SGCZ: variants seen among roughly 807,000 people sequenced by gnomAD.
SGCZ encodes the protein zeta-sarcoglycan.
In SGCZ, 40 loss-of-function variants were observed where a neutral mutation model predicts 41.3. The ratio of observed to expected loss-of-function variants is 0.97; its 90% CI spans 0.75 to 1.26. The LOEUF (loss-of-function observed/expected upper bound fraction) is 1.26. Ranked by LOEUF, SGCZ falls within the 50% of genes most tolerant of loss-of-function variation. The pLI, the probability that SGCZ is intolerant of heterozygous loss-of-function variation, is 0.00. For missense variants in SGCZ, 552 were observed against 369.8 expected (o/e 1.49, Z -4.04); for synonymous variants, 206 against 137.5 (o/e 1.50, Z -3.49).
chr8:14,543,565 T>C (rs1803533282), intron 2 of SGCZ, among the ~76,000 whole-genome samples: 1 of 152,100 alleles, frequency 6.6e-6, no homozygotes, highest in South Asian at 2.1e-4. Context: ...TCCTTGTCCA[T>C]GGTGCTGTAA....
chr8:14,161,781 T>G (rs554979802), intron 5 of SGCZ, among the ~76,000 whole-genome samples: 2 of 152,280 alleles, frequency 1.3e-5, no homozygotes, highest in African/African-American at 4.8e-5. Flanking sequence ...AATGCAATAC[T>G]ATGTGCATAT....
chr8:14,446,405 T>C (rs1050776639), intron 2 of SGCZ, among the ~76,000 whole-genome samples: 22 of 152,176 alleles, frequency 1.4e-4, no homozygotes, highest in African/African-American at 5.1e-4. Context: ...GTGGGTCTGA[T>C]ATATCAAAGA....
At chr8:15,017,324 C>G (rs1254970807) in intron 1 of SGCZ, among the ~76,000 whole-genome samples, 3 of 152,112 alleles carry the variant, frequency 2.0e-5, no homozygotes, top group Non-Finnish European at 4.4e-5. Flanking sequence ...GGGCAGACAC[C>G]TGTATTGCAA....
At chr8:14,260,126 G>A (rs1363371497) in intron 3 of SGCZ, among the ~76,000 whole-genome samples, 3 of 152,000 alleles carry the variant, frequency 2.0e-5, no homozygotes, top group Admixed American at 2.0e-4. Context: ...TCTGTTGTTG[G>A]TGTATAAGAA....
At chr8:15,023,227 C>T (rs1036567192) in intron 1 of SGCZ, among the ~76,000 whole-genome samples, 26 of 152,186 alleles carry the variant, frequency 1.7e-4, no homozygotes, top group African/African-American at 6.3e-4. Flanking sequence ...CAATCAAGTT[C>T]ATGACTTTGG....
intron 5 of SGCZ, among the ~76,000 whole-genome samples, chr8:14,125,805 C>G (rs6980963): frequency 6.6e-6 from 1 of 152,046 alleles, no homozygotes. Flanking sequence ...AATGGAGATA[C>G]CAGAAGTAAG....
chr8:15,094,519 T>C (rs545949712), intron 1 of SGCZ, among the ~76,000 whole-genome samples: 15 of 152,256 alleles, frequency 9.9e-5, no homozygotes, highest in African/African-American at 3.6e-4. Context: ...ATTCATGTGA[T>C]GAGAGCAGAA....
chr8:14,655,605 A>G (rs981077446), intron 1 of SGCZ, among the ~76,000 whole-genome samples: 7 of 152,132 alleles, frequency 4.6e-5, no homozygotes, highest in East Asian at 3.9e-4. Context: ...AAGAAATAAT[A>G]TAGAGACACC....
intron 3 of SGCZ, among the ~76,000 whole-genome samples, chr8:14,244,785 G>C (rs963197782): frequency 6.6e-6 from 1 of 152,028 alleles, no homozygotes; most frequent in African/African-American, 2.4e-5. Flanking sequence ...GTGGTTTGTA[G>C]TTCTCCTTGA....
intron 1 of SGCZ, among the ~76,000 whole-genome samples, chr8:14,746,089 C>A (rs1443680680): frequency 6.6e-6 from 1 of 151,588 alleles, no homozygotes; most frequent in African/African-American, 2.4e-5. Context: ...TGTTTGTTAC[C>A]ATTTTCCATA....
intron 1 of SGCZ, among the ~76,000 whole-genome samples, chr8:15,107,841 C>T (rs1046645193): frequency 2.0e-5 from 3 of 152,142 alleles, no homozygotes; most frequent in African/African-American, 7.2e-5. Context: ...TGCCATAGAT[C>T]TCTTCTGAGA....
intron 1 of SGCZ, among the ~76,000 whole-genome samples, chr8:14,848,866 T>C (rs1252875905): frequency 6.6e-6 from 1 of 152,172 alleles, no homozygotes; most frequent in Non-Finnish European, 1.5e-5. Context: ...CTGAAAACTT[T>C]TGCTCTTTAA....
At chr8:15,192,108 C>T (rs1800562124) in intron 1 of SGCZ, among the ~76,000 whole-genome samples, 1 of 152,064 alleles carries the variant, frequency 6.6e-6, no homozygotes, top group African/African-American at 2.4e-5. Context: ...GGTAACCCCT[C>T]CCCCAGTAAT....
intron 3 of SGCZ, among the ~76,000 whole-genome samples, chr8:14,290,975 A>G (rs7829315): frequency 0.16 from 24,931 of 152,072 alleles, 2,256 homozygotes; most frequent in East Asian, 0.28. Context: ...TAAAGAAAGT[A>G]TTGTAAATAT....
At position 14,643,206 on chromosome 8, in the gene SGCZ, C is replaced by G. The variant is rs1039669476; in HGVS notation, c.40-88280G>C. The stretch of plus-strand genomic sequence containing the variant: ...GTATTTCCTGATTGGCATCACTGAA[C>G]ATAGGAAGTCAACTCCACCTTTGAA... On this transcript the variant is annotated intron_variant, in intron 1 of 7. Transcript: ENST00000382080. Among the ~76,000 whole-genome samples the G allele has an allele frequency of 2.0e-5, 3 of 151,526 alleles. No homozygotes were observed. In the South Asian group the frequency reaches 6.2e-4, roughly 31 times the overall value.
intron 1 of SGCZ, among the ~76,000 whole-genome samples, chr8:15,035,477 T>C: frequency 6.6e-6 from 1 of 152,192 alleles, no homozygotes; most frequent in Middle Eastern, 3.4e-3. Flanking sequence ...ATTAACAAAA[T>C]ATCAGTTGTA....
chr8:14,638,759 G>C (rs1806919655), intron 1 of SGCZ, among the ~76,000 whole-genome samples: 1 of 151,790 alleles, frequency 6.6e-6, no homozygotes, highest in Non-Finnish European at 1.5e-5. Flanking sequence ...TGCTCCTAGA[G>C]ATTGTAATGG....
intron 2 of SGCZ, among the ~76,000 whole-genome samples, chr8:14,336,392 A>G (rs1225005402): frequency 6.6e-6 from 1 of 152,184 alleles, no homozygotes; most frequent in East Asian, 1.9e-4. Context: ...ATAGTGCTGC[A>G]GTGAACATAC....
intron 1 of SGCZ, among the ~76,000 whole-genome samples, chr8:14,833,044 T>C (rs73535027): frequency 0.077 from 11,727 of 152,154 alleles, 707 homozygotes; most frequent in African/African-American, 0.18. Context: ...TTTTTCTCAG[T>C]TGATTTTTTA....
Sources: gnomAD v4.1 joint callset for allele counts (sites outside exome capture counted in the v4.1 genomes callset) on GRCh38, gnomAD v4.1.1 for gene constraint, MANE v1.5 for transcripts, NCBI Gene and HGNC (gene_info 2026-07-23, HGNC 2026-07-21) for gene names.